UNC13C: variants seen among roughly 807,000 people sequenced by gnomAD.
UNC13C encodes unc-13 homolog C.
A neutral mutation model predicts 245.4 loss-of-function variants in UNC13C; 174 were observed. That is an observed-to-expected ratio of 0.71 (90% CI 0.63 to 0.80). The LOEUF is 0.80. Among genes scored for constraint, UNC13C ranks in the 30% least tolerant of loss-of-function variants. The pLI, the probability that UNC13C is intolerant of heterozygous loss-of-function variation, is 0.00. For synonymous variants in UNC13C, 992 were observed against 895.1 expected (o/e 1.11, Z -1.93); for missense variants, 2,829 against 2,602.9 (o/e 1.09, Z -1.89).
chr15:54,102,002 A>G (rs77199645), intron 2 of UNC13C, among the ~76,000 whole-genome samples: 1 of 150,564 alleles, frequency 6.6e-6, no homozygotes, highest in Non-Finnish European at 1.5e-5. Context: ...TGCTCTTTGC[A>G]TTACAGCATT....
Position 54,567,918 on chromosome 15 carries a change from A to G in UNC13C, c.6077A>G (p.Lys2026Arg). 2.5e-6 allele frequency: 4 copies of G among 1,581,574 alleles called. No individual in the cohort carries two copies. The highest frequency in any genetic ancestry group is 2.6e-6 in the Non-Finnish European group (3 of 1,161,912). The part of the protein sequence containing the change: ...LYTQTTDALI[K>R]KFIDTQTSQS... ...ACCCAAACTACTGATGCCTTGATAAAGAAATTCATAGATACTCAAACCTCA... is the reference window on the plus strand; with the variant it reads ...ACCCAAACTACTGATGCCTTGATAAGGAAATTCATAGATACTCAAACCTCA... The change falls in exon 30 of 33, where the codon AAG becomes AGG. Residue 2026 changes from lysine to arginine, a missense_variant. Physicochemically the swap from Lys to Arg is conservative, Grantham distance 26 (BLOSUM62 2). Transcript: ENST00000260323.
intron 4 of UNC13C, among the ~76,000 whole-genome samples, chr15:54,192,121 A>G (rs570098290): frequency 3.3e-5 from 5 of 152,204 alleles, no homozygotes; most frequent in African/African-American, 1.2e-4. Flanking sequence ...GCCCATGCCT[A>G]TGTCCTGAAT....
At chr15:54,458,714 C>T in intron 19 of UNC13C, among the ~76,000 whole-genome samples, 1 of 100,542 alleles carries the variant, frequency 9.9e-6, no homozygotes, top group East Asian at 3.7e-4. Flanking sequence ...AAGGGAATAG[C>T]TACTCCTGCT....
In UNC13C at chr15:54,300,386, G is replaced by A. The variant is rs549738442; in HGVS notation, c.4268+13G>A. The A allele has an allele frequency of 1.1e-5, 17 of 1,558,700 alleles. No individual in the cohort carries two copies. Among genetic ancestry groups the A allele is most frequent in the East Asian group, 2.4e-5 (1 of 42,356 alleles). ...ATCAAGCTATGACGTAAGTACTACA[G>A]AACATTTACATGGTCAATATCTCTA... On this transcript the variant is annotated intron_variant, in intron 13 of 32. Coordinates refer to ENST00000260323, the MANE Select transcript of UNC13C (RefSeq NM_001080534.3).
chr15:54,117,116 TTTGTTG>T (rs533673515), intron 2 of UNC13C, among the ~76,000 whole-genome samples: 4 of 151,926 alleles, frequency 2.6e-5, no homozygotes, highest in South Asian at 2.1e-4. Flanking sequence ...CCGATTAGTT[TTTGTTG>T]TTGTTGTTGT....
chr15:54,332,764 T>C (rs1174339646), intron 15 of UNC13C, among the ~76,000 whole-genome samples: 1 of 152,102 alleles, frequency 6.6e-6, no homozygotes, highest in Non-Finnish European at 1.5e-5. Context: ...AACTAATAGA[T>C]GCTCTCTTGT....
chr15:54,098,214 G>GC, intron 2 of UNC13C, among the ~76,000 whole-genome samples: 1 of 152,144 alleles, frequency 6.6e-6, no homozygotes, highest in Admixed American at 6.5e-5. Flanking sequence ...TTGCTGTGTT[G>GC]CCCAGGCTGG....
At chr15:54,179,943 C>T (rs1200766099) in intron 4 of UNC13C, among the ~76,000 whole-genome samples, 2 of 151,810 alleles carry the variant, frequency 1.3e-5, no homozygotes, top group Non-Finnish European at 2.9e-5. Context: ...GTTAATTTTC[C>T]AATAGTAACT....
At chr15:54,317,530 T>C (rs535863542) in intron 13 of UNC13C, among the ~76,000 whole-genome samples, 2 of 152,094 alleles carry the variant, frequency 1.3e-5, no homozygotes, top group South Asian at 4.1e-4. Flanking sequence ...ATTGCATTTG[T>C]ATTTCCCTCA....
intron 19 of UNC13C, among the ~76,000 whole-genome samples, chr15:54,455,201 C>CTATA (rs1567288990): frequency 4.5e-4 from 15 of 33,278 alleles, no homozygotes; most frequent in South Asian, 2.1e-3. Context: ...CTCTCTCTCT[C>CTATA]TCTCTATATA....
chr15:53,902,056 T>A, the UNC13C span, among the ~76,000 whole-genome samples: 4 of 152,152 alleles, frequency 2.6e-5, no homozygotes, highest in Non-Finnish European at 4.4e-5. Context: ...TCTCCATATA[T>A]CCTTTAAGAT....
At chr15:53,869,586 C>A in the UNC13C span, among the ~76,000 whole-genome samples, 50 of 152,102 alleles carry the variant, frequency 3.3e-4, no homozygotes, top group African/African-American at 1.2e-3. Flanking sequence ...TTAATTCTTA[C>A]ATGCGGGGGC....
At chr15:53,861,927 A>G in the UNC13C span, among the ~76,000 whole-genome samples, 9 of 152,134 alleles carry the variant, frequency 5.9e-5, no homozygotes, top group Non-Finnish European at 1.0e-4. Flanking sequence ...CCTCCAACTC[A>G]GTCCTTGCCT....
intron 19 of UNC13C, among the ~76,000 whole-genome samples, chr15:54,479,702 A>ATGTT (rs1372093955): frequency 6.6e-6 from 1 of 151,368 alleles, no homozygotes; most frequent in Non-Finnish European, 1.5e-5. Context: ...CAAAGTGATA[A>ATGTT]TGTTGGATTC....
intron 2 of UNC13C, among the ~76,000 whole-genome samples, chr15:54,106,200 A>G (rs555056670): frequency 6.6e-6 from 1 of 152,198 alleles, no homozygotes; most frequent in Non-Finnish European, 1.5e-5. Context: ...AAGAATTGTA[A>G]GACCTCATGA....
At chr15:54,227,828 C>T (rs1202446200) in intron 4 of UNC13C, among the ~76,000 whole-genome samples, 2 of 152,156 alleles carry the variant, frequency 1.3e-5, no homozygotes, top group Non-Finnish European at 2.9e-5. Flanking sequence ...TGGGTCTTGC[C>T]CAAGGCCTGT....
At chr15:54,562,970 T>C (rs1389608577) in intron 29 of UNC13C, among the ~76,000 whole-genome samples, 1 of 152,074 alleles carries the variant, frequency 6.6e-6, no homozygotes, top group Non-Finnish European at 1.5e-5. Flanking sequence ...CTTGCTTTAA[T>C]AGCTGCCTTC....
chr15:54,305,779 A>T (rs2037710489), intron 13 of UNC13C, among the ~76,000 whole-genome samples: 1 of 152,026 alleles, frequency 6.6e-6, no homozygotes, highest in Non-Finnish European at 1.5e-5. Flanking sequence ...TATAATAAGG[A>T]TACTTAACCA....
intron 17 of UNC13C, among the ~76,000 whole-genome samples, chr15:54,341,002 T>A (rs558789141): frequency 6.6e-6 from 1 of 152,340 alleles, no homozygotes; most frequent in Admixed American, 6.5e-5. Flanking sequence ...TATACACTGT[T>A]GGTGGGAATA....
Sources: gnomAD v4.1 joint callset for allele counts (sites outside exome capture counted in the v4.1 genomes callset) on GRCh38, gnomAD v4.1.1 for gene constraint, MANE v1.5 for transcripts, NCBI Gene and HGNC (gene_info 2026-07-23, HGNC 2026-07-21) for gene names.